Variants in TNC observed in about 807,000 individuals in gnomAD.
TNC encodes tenascin C.
TNC carries 109 observed loss-of-function variants against 202.4 expected under a neutral mutation model. The observed-to-expected ratio is 0.54, with a 90% CI of 0.46 to 0.63. The LOEUF (loss-of-function observed/expected upper bound fraction) is 0.63. Ranked by LOEUF, TNC falls within the 30% of genes least tolerant of loss-of-function variation. The pLI, the probability that TNC is intolerant of heterozygous loss-of-function variation, is 0.00. For synonymous variants in TNC, 1,007 were observed against 1,089.7 expected, an observed-to-expected ratio of 0.92 and a Z score of 1.50; for missense variants, 2,756 against 2,833.3, an observed-to-expected ratio of 0.97 and a Z score of 0.62.
intron 25 of TNC, among the ~76,000 whole-genome samples, chr9:115,028,924 GAAAAAAAAAAAAAAAAAAAAAAA>G (rs57737243): frequency 6.3e-5 from 4 of 63,942 alleles, no homozygotes; most frequent in Non-Finnish European, 1.1e-4. Flanking sequence ...CATTATCTCT[GAAAAAAAAAAAAAAAAAAAAAAA>G]AAAAAAAAAA....
chr9:115,057,260 C>T lies in TNC; in HGVS notation c.4472G>A (p.Arg1491Gln), dbSNP rs189247379. The T allele has an allele frequency of 2.4e-5, 39 of 1,614,090 alleles. No homozygotes were observed. Among genetic ancestry groups the T allele is most frequent in the Admixed American group, 1.3e-4 (8 of 60,018 alleles). The part of the protein sequence containing the change: ...TVEYNISGAE[R>Q]TAHISGLPPS... ...GGGTAGCCCTGAGATATGGGCAGTT[C>T]GTTCAGCACCAGAGATATTATATTC... The change falls in exon 15 of 28, where the codon CGA (arginine) becomes CAA (glutamine). Residue 1491 changes from arginine to glutamine, a missense_variant. By Grantham distance (43) the Arg-to-Gln change is conservative. This residue lies in a region of TNC where 2,559 missense variants were observed against 2,546.0 expected (regional missense o/e 1.01). Coordinates refer to ENST00000350763, the MANE Select transcript of TNC (RefSeq NM_002160.4).
chr9:115,063,631 C>T (rs1187357666), intron 12 of TNC, among the ~76,000 whole-genome samples, 165 bp downstream of exon 12: 1 of 152,152 alleles, frequency 6.6e-6, no homozygotes, highest in Non-Finnish European at 1.5e-5. Flanking sequence ...ACAACTAGGA[C>T]TTAGCCAAAT....
At chr9:115,078,303 T>A (rs1834038524) in intron 6 of TNC, 91 bp from the exon 7 acceptor site, 2 of 1,416,786 alleles carry the variant, frequency 1.4e-6, no homozygotes, top group Non-Finnish European at 9.5e-7. Context: ...TCCAGACCTG[T>A]GGGTGAATAC....
chr9:115,089,133 G>A (rs1314194192), intron 2 of TNC, among the ~76,000 whole-genome samples: 1 of 152,108 alleles, frequency 6.6e-6, no homozygotes, highest in East Asian at 1.9e-4. Flanking sequence ...TGACAGAAGT[G>A]GAAGATAAAC....
chr9:115,021,289 G>C (rs1829048996), intron 27 of TNC, 22 bp from the exon 28 acceptor site: 2 of 1,538,894 alleles, frequency 1.3e-6, no homozygotes, highest in Middle Eastern at 1.9e-4. Flanking sequence ...AAAAAAGAGA[G>C]AGAGAGAGAG....
At chr9:115,063,658 A>T in intron 12 of TNC, 138 bp downstream of exon 12, 1 of 973,624 alleles carries the variant, frequency 1.0e-6, no homozygotes, top group Non-Finnish European at 1.5e-6. Context: ...TGTGACATTT[A>T]GGAAGAAGCA....
rs201999283 is a variant in TNC at position 115,076,551 on chromosome 9, C to T, written c.2699G>A (p.Arg900Gln). The T allele has an allele frequency of 1.5e-4, 243 of 1,614,154 alleles. 2 individuals carry two copies. In the East Asian group the frequency reaches 3.9e-3, roughly 26 times the overall value. The change falls in exon 8 of 28, where the codon CGA becomes CAA. Residue 900 changes from arginine (R) to glutamine (Q), a missense_variant. By Grantham distance (43) the Arg-to-Gln change is conservative (BLOSUM62 1). Around this residue, in one of 2 missense-constraint regions of TNC, gnomAD observed 2,559 missense variants for 2,546.0 expected, o/e 1.01. Transcript: ENST00000350763. ...GCTGTTATCTGTCTGGGAAACACGT[C>T]GAAGATTCCTGGGAGCATCGAGGCC... Reference protein sequence around the residue: ...TTGLDAPRNLRRVSQTDNSIT... With the variant: ...TTGLDAPRNLQRVSQTDNSIT...
At position 115,029,608 on chromosome 9, in the gene TNC, C is replaced by A. The variant is rs1334747952; in HGVS notation, c.6073-152G>T. 5 of 710,936 alleles carry A rather than the reference C, an allele frequency of 7.0e-6. No individual in the cohort carries two copies. In the African/African-American group the frequency reaches 7.1e-5, roughly 10 times the overall value. 44.0% of individuals were successfully genotyped at this position (710,936 alleles called of 1,614,324 possible). The stretch of plus-strand genomic sequence containing the variant: ...TATGTAACTTTGGGTGGTCACCTGC[C>A]CCTCCTTAAGTCTTGGTGTTCTCAC... On this transcript the variant is annotated intron_variant, in intron 24 of 27. Transcript: ENST00000350763.
rs1478388382 is a variant in TNC at position 115,031,676 on chromosome 9, C to T, written c.5797G>A (p.Val1933Met). 1 of 1,609,722 alleles carries T rather than the reference C, an allele frequency of 6.2e-7. No individual in the cohort carries two copies. Among genetic ancestry groups the T allele is most frequent in the Admixed American group, 1.7e-5 (1 of 58,976 alleles). Residue 1933 changes from valine to methionine, a missense_variant, in exon 23 of 28, where the codon GTG (valine) becomes ATG (methionine). By Grantham distance (21) the Val-to-Met change is conservative. Coordinates refer to ENST00000350763, the MANE Select transcript of TNC (RefSeq NM_002160.4). ...CTGTAGGAGGTGGTATCTGGACCCACAATGACTTCCTAAGAGCAGAAGAAA... is the reference window on the plus strand; with the variant it reads ...CTGTAGGAGGTGGTATCTGGACCCATAATGACTTCCTAAGAGCAGAAGAAA... ...SVDGTVKEVI[V>M]GPDTTSYSLA... is the part of the protein sequence containing the mutation.
intron 1 of TNC, chr9:115,115,040 G>T (rs964965533): frequency 1.8e-4 from 27 of 152,206 alleles, no homozygotes; most frequent in African/African-American, 6.5e-4. Flanking sequence ...CAGCATGAAG[G>T]GGGCTGCGCT....
chr9:115,085,789 AC>A, intron 3 of TNC, 74 bp downstream of exon 3: 1 of 1,324,146 alleles, frequency 7.6e-7, no homozygotes, highest in Non-Finnish European at 1.0e-6. Flanking sequence ...ATATATATAA[AC>A]GTAGTTTTCC....
At chr9:115,077,445 C>A (rs1403284640) in intron 7 of TNC, among the ~76,000 whole-genome samples, 4 of 152,016 alleles carry the variant, frequency 2.6e-5, no homozygotes, top group African/African-American at 7.2e-5. Flanking sequence ...CCTGCATCAG[C>A]CTGCCAAGTG....
chr9:115,021,306 A>C, intron 27 of TNC, 39 bp from the exon 28 acceptor site: 2 of 1,467,912 alleles, frequency 1.4e-6, no homozygotes, highest in Non-Finnish European at 1.9e-6. Flanking sequence ...AGAGAGAGAG[A>C]AGGCCTCCAG....
At chr9:115,063,707 T>C (rs2132634320) in intron 12 of TNC, 89 bp downstream of exon 12, 1 of 1,390,356 alleles carries the variant, frequency 7.2e-7, no homozygotes, top group South Asian at 1.3e-5. Flanking sequence ...TGGTAGGAGC[T>C]GATCCCAGTT....
At chr9:115,099,320 G>A (rs1836044964) in intron 1 of TNC, among the ~76,000 whole-genome samples, 1 of 152,138 alleles carries the variant, frequency 6.6e-6, no homozygotes, top group Non-Finnish European at 1.5e-5. Flanking sequence ...CTCACAGTCA[G>A]GTATAGAAAG....
chr9:115,058,393 T>C (rs1448628817), intron 14 of TNC, among the ~76,000 whole-genome samples: 3 of 152,160 alleles, frequency 2.0e-5, no homozygotes, highest in African/African-American at 7.2e-5. Flanking sequence ...GGCAAGAATG[T>C]TGCTATTGTT....
intron 10 of TNC, among the ~76,000 whole-genome samples, chr9:115,070,344 A>G (rs1172069108): frequency 1.3e-5 from 2 of 152,094 alleles, no homozygotes; most frequent in Non-Finnish European, 2.9e-5. Flanking sequence ...AGGGAGTGGG[A>G]GCAGCACACT....
intron 22 of TNC, among the ~76,000 whole-genome samples, chr9:115,033,342 G>A (rs1830087101): frequency 6.6e-6 from 1 of 152,156 alleles, no homozygotes; most frequent in African/African-American, 2.4e-5. Flanking sequence ...CTGGGGGAAA[G>A]ATCAACTGTC....
rs777695434 is a variant in TNC, at chr9:115,046,527, C to T, written c.5008G>A (p.Ala1670Thr). The T allele has an allele frequency of 1.3e-5, 21 of 1,613,982 alleles. No individual in the cohort carries two copies. In the South Asian group the frequency reaches 2.3e-4, roughly 18 times the overall value. Residue 1670 changes from alanine (A) to threonine (T), a missense_variant, in exon 17 of 28, where the codon GCC becomes ACC. By Grantham distance (58) the Ala-to-Thr change is moderately conservative (BLOSUM62 0). Transcript: ENST00000350763. ...GTTATGTCCCTGGTACGTTCGGGGG[C>T]AAGTAGGGTTATTTCCAGTGGCTCA... ...QSEPLEITLL[A>T]PERTRDITGL...
Sources: gnomAD v4.1 joint callset for allele counts (sites outside exome capture counted in the v4.1 genomes callset) on GRCh38, gnomAD v4.1.1 for gene constraint, gnomAD v4.1.1 regional missense constraint, MANE v1.5 for transcripts, NCBI Gene and HGNC (gene_info 2026-07-23, HGNC 2026-07-21) for gene names.